The following LRRC37A variants were observed in gnomAD, a reference collection of about 807,000 sequenced individuals.
LRRC37A encodes the protein leucine-rich repeat-containing protein 37A.
Under a neutral mutation model 35.4 loss-of-function variants are expected in LRRC37A, and 3 were observed. The observed-to-expected ratio is 0.08, with a 90% CI of 0.04 to 0.22. LRRC37A has a LOEUF of 0.22. Ranked by LOEUF, LRRC37A falls within the 10% of genes least tolerant of loss-of-function variation. The pLI is 1.00. For synonymous variants in LRRC37A, 23 were observed against 215.0 expected, an observed-to-expected ratio of 0.11 and a Z score of 7.81; for missense variants, 67 against 565.3, an observed-to-expected ratio of 0.12 and a Z score of 8.94.
chr17:46,332,414 G>T, intron 9 of LRRC37A, 138 bp from the exon 10 acceptor site: 7 of 370,166 alleles, frequency 1.9e-5, no homozygotes, highest in Non-Finnish European at 2.7e-5. Context: ...ATTGCACCAC[G>T]GTACCCAAGC....
chr17:46,278,449 G>C, the LRRC37A span, among the ~76,000 whole-genome samples: 1 of 151,050 alleles, frequency 6.6e-6, no homozygotes, highest in Non-Finnish European at 1.5e-5. Flanking sequence ...CTGTCACCCA[G>C]GCTAGAGTGC....
chr17:46,260,718 G>A, the LRRC37A span: 3 of 872,710 alleles, frequency 3.4e-6, no homozygotes, highest in South Asian at 5.1e-5. Flanking sequence ...CCGCCTCCCG[G>A]GTTCAAGCGA....
the LRRC37A span, among the ~76,000 whole-genome samples, chr17:46,278,486 C>A: frequency 2.0e-5 from 3 of 151,736 alleles, no homozygotes; most frequent in Non-Finnish European, 2.9e-5. Flanking sequence ...CTCACTGCAA[C>A]CTCCACCTCC....
the LRRC37A span, among the ~76,000 whole-genome samples, chr17:46,262,968 T>C: frequency 0.11 from 16,526 of 151,030 alleles, 925 homozygotes; most frequent in East Asian, 0.31. Context: ...ATCCAAGCAC[T>C]TTGTGAGGCC....
the LRRC37A span, among the ~76,000 whole-genome samples, chr17:46,286,185 A>G: frequency 6.6e-6 from 1 of 152,278 alleles, no homozygotes; most frequent in African/African-American, 2.4e-5. Flanking sequence ...AAACCCTGGG[A>G]TATAAAATAG....
At chr17:46,274,338 T>C in the LRRC37A span, among the ~76,000 whole-genome samples, 4 of 152,250 alleles carry the variant, frequency 2.6e-5, no homozygotes, top group African/African-American at 7.2e-5. Context: ...TGTGGAGTAA[T>C]TGACAAATTG....
chr17:46,260,045 G>A, the LRRC37A span: 4 of 1,601,974 alleles, frequency 2.5e-6, no homozygotes, highest in South Asian at 4.4e-5. Flanking sequence ...GCGGTCCAGT[G>A]CGAGCTGAAT....
At chr17:46,260,429 C>G in the LRRC37A span, 19 of 1,550,930 alleles carry the variant, frequency 1.2e-5, no homozygotes, top group Non-Finnish European at 1.5e-5. Flanking sequence ...CTGAGGCAGC[C>G]GCCCGATGAA....
the LRRC37A span, among the ~76,000 whole-genome samples, chr17:46,280,089 CT>C: frequency 6.6e-6 from 1 of 152,182 alleles, no homozygotes; most frequent in Non-Finnish European, 1.5e-5. Context: ...ATAAAAATGT[CT>C]GGCCAGGCGC....
chr17:46,275,953 C>T, the LRRC37A span, among the ~76,000 whole-genome samples: 56 of 152,038 alleles, frequency 3.7e-4, no homozygotes, highest in African/African-American at 1.3e-3. Flanking sequence ...TGCAAAGGCG[C>T]GATCTTGGCT....
At chr17:46,255,518 C>T in the LRRC37A span, among the ~76,000 whole-genome samples, 10 of 149,728 alleles carry the variant, frequency 6.7e-5, no homozygotes, top group Admixed American at 2.7e-4. Flanking sequence ...AGGCATACGC[C>T]ACCACACCCG....
At chr17:46,249,102 T>C in the LRRC37A span, among the ~76,000 whole-genome samples, 2 of 152,090 alleles carry the variant, frequency 1.3e-5, no homozygotes, top group African/African-American at 4.8e-5. Context: ...TAGAAAAGAC[T>C]TCAGCATCTG....
upstream of LRRC37A, among the ~76,000 whole-genome samples, chr17:46,288,166 T>C (rs1038048049): frequency 1.1e-4 from 17 of 151,970 alleles, no homozygotes; most frequent in African/African-American, 4.1e-4. Flanking sequence ...CTTTTTTCTT[T>C]TGTCTCGCTG....
the LRRC37A span, among the ~76,000 whole-genome samples, chr17:46,271,166 T>TTTTTTCTTTTC: frequency 6.1e-3 from 832 of 136,060 alleles, no homozygotes; most frequent in Non-Finnish European, 8.2e-3. Context: ...AATAGTTTCT[T>TTTTTTCTTTTC]TTTTTTTTTT....
At chr17:46,288,591 C>A (rs1196116060), upstream of LRRC37A, among the ~76,000 whole-genome samples, 1 of 151,064 alleles carries the variant, frequency 6.6e-6, no homozygotes, top group Non-Finnish European at 1.5e-5. Context: ...AGCCACAGGG[C>A]CCAGCCTCTT....
the LRRC37A span, chr17:46,266,978 C>G: frequency 6.4e-6 from 1 of 155,288 alleles, no homozygotes; most frequent in Non-Finnish European, 1.4e-5. Context: ...CCACCCCAAC[C>G]GGCCGCGCGC....
chr17:46,249,651 G>T, the LRRC37A span, among the ~76,000 whole-genome samples: 1 of 152,130 alleles, frequency 6.6e-6, no homozygotes, highest in Non-Finnish European at 1.5e-5. Context: ...TACAGGGGAG[G>T]GGGCGCCCAC....
At position 46,332,191 on chromosome 17, in the gene LRRC37A, C is replaced by T. The variant is rs1377871923; in HGVS notation, c.4704+210C>T. On this transcript the variant is annotated intron_variant, in intron 9 of 13. Coordinates refer to ENST00000320254, the Ensembl canonical transcript of LRRC37A. ...ACTGTAGGCCGGGGGTGGTAGCTCA[C>T]GCCTGTAATCTCAGCACTTTGGGAG... Among the ~76,000 whole-genome samples, 12 of 25,304 alleles carry T rather than the reference C, an allele frequency of 4.7e-4. No individual in the cohort carries two copies. In the East Asian group the frequency reaches 0.017, roughly 35 times the overall value. The allele number at this position is 25,304 out of a possible 152,430, so 16.6% of individuals were successfully genotyped here.
At chr17:46,267,436 C>A in the LRRC37A span, 2 of 1,613,152 alleles carry the variant, frequency 1.2e-6, no homozygotes, top group Non-Finnish European at 1.7e-6. Context: ...CCTCACTCAC[C>A]CCCGACGTCT....
Sources: allele counts gnomAD v4.1 joint callset (sites outside exome capture counted in the v4.1 genomes callset), GRCh38; gene constraint gnomAD v4.1.1; transcripts MANE v1.5; gene names NCBI Gene and HGNC (gene_info 2026-07-23, HGNC 2026-07-21).